The following MYO7B variants were observed in gnomAD, a reference collection of about 807,000 sequenced individuals.
MYO7B encodes unconventional myosin-VIIb.
MYO7B carries 212 observed loss-of-function variants against 259.7 expected under a neutral mutation model. That is an observed-to-expected ratio of 0.82 (90% confidence interval 0.73 to 0.91). The LOEUF is 0.91. Among genes scored for constraint, MYO7B ranks in the 40% least tolerant of loss-of-function variants. The pLI is 0.00. For synonymous variants in MYO7B, 1,197 were observed against 1,166.4 expected, an observed-to-expected ratio of 1.03 and a Z score of -0.54; for missense variants, 2,732 against 2,813.5, an observed-to-expected ratio of 0.97 and a Z score of 0.66.
chr2:127,634,898 T>A, intron 42 of MYO7B: 1 of 636,552 alleles, frequency 1.6e-6, no homozygotes, highest in Non-Finnish European at 2.8e-6. Context: ...GCCCCAGGGC[T>A]GAGGGGCATG....
intron 30 of MYO7B, among the ~76,000 whole-genome samples, chr2:127,625,119 A>G (rs1473489135): frequency 1.3e-5 from 2 of 152,166 alleles, no homozygotes; most frequent in Admixed American, 1.3e-4. Context: ...TGCTGGGTCC[A>G]CCCCAGAACT....
chr2:127,630,912 C>A lies in MYO7B; in HGVS notation c.4937+4C>A. On this transcript the variant is annotated splice_donor_region_variant and intron_variant, in intron 36 of 47. Transcript: ENST00000409816. ...AGTTCTCCTATGAGTTCTTCAGGTGCCCCCCAGCCCCGCTCCGCCTCATTG... is the reference window on the plus strand; with the variant it reads ...AGTTCTCCTATGAGTTCTTCAGGTGACCCCCAGCCCCGCTCCGCCTCATTG... 2 of 1,561,848 alleles carry A rather than the reference C, an allele frequency of 1.3e-6. No homozygotes were observed.
Position 127,588,389 on chromosome 2 carries a change from C to T in MYO7B, c.1691-3C>T, listed in dbSNP as rs748540978. 1.9e-6 allele frequency: 3 copies of T among 1,612,324 alleles called. No individual in the cohort carries two copies. The highest frequency in any genetic ancestry group is 2.2e-5 in the South Asian group (2 of 90,976). ...ATGCTGGGTGGGCCCTGTGTCTCCA[C>T]AGGCTTCCTGGAGAAGAACCGAGAC... On this transcript the variant is annotated splice_region_variant and splice_polypyrimidine_tract_variant and intron_variant, in intron 14 of 47. Coordinates refer to ENST00000409816, the MANE Select transcript of MYO7B (RefSeq NM_001393586.1).
At chr2:127,600,210 G>A (rs1359032554) in intron 19 of MYO7B, among the ~76,000 whole-genome samples, 1 of 152,082 alleles carries the variant, frequency 6.6e-6, no homozygotes, top group African/African-American at 2.4e-5. Context: ...TTTATATTGA[G>A]CGAGTTGTGG....
intron 47 of MYO7B, 22 bp from the exon 48 acceptor site, chr2:127,637,294 G>T (rs755378231): frequency 6.7e-7 from 1 of 1,483,658 alleles, no homozygotes; most frequent in South Asian, 1.2e-5. Flanking sequence ...CACAGCCTCT[G>T]ACCCCCCCGT....
intron 42 of MYO7B, 39 bp downstream of exon 42, chr2:127,634,722 G>C: frequency 6.4e-7 from 1 of 1,566,262 alleles, no homozygotes; most frequent in Non-Finnish European, 8.7e-7. Context: ...GGGCGTGGCT[G>C]GGTGGGTCGA....
chr2:127,576,792 C>A lies in MYO7B; in HGVS notation c.849+84C>A. 1 of 984,868 alleles carries A rather than the reference C, an allele frequency of 1.0e-6. No individual in the cohort carries two copies. Among genetic ancestry groups the A allele is most frequent in the Non-Finnish European group, 1.5e-6 (1 of 665,572 alleles). The allele number at this position is 984,868 out of a possible 1,614,324, so 61.0% of individuals were successfully genotyped here. A position where few individuals can be genotyped will look rare whatever the true frequency, so the allele number is the denominator to read the frequency against. ...GCCGCTCCACCCTCCGCGACAGCTG[C>A]AGAGAAGCCCAACGCTGGCCGGGCC... is the stretch of plus-strand genomic sequence containing the variant. On this transcript the variant is annotated intron_variant, in intron 8 of 47. Transcript: ENST00000409816. The surrounding 1 kb of genome is among the most constrained non-coding windows in gnomAD (Gnocchi z 4.9).
At position 127,608,842 on chromosome 2, in the gene MYO7B, TG is replaced by T. The variant is rs1183380788; in HGVS notation, c.2783del (p.Gly928AlafsTer51). The T allele has an allele frequency of 6.2e-7, 1 of 1,613,234 alleles. No individual in the cohort carries two copies. The highest frequency in any genetic ancestry group is 8.5e-7 in the Non-Finnish European group (1 of 1,179,808). ...TGTTCGGCTTCCTCCCTGCCATGAT[TG>T]GGGGCCAGGAGGGCCAGGCCTCGCC... ...KVFGFLPAMI[G>X]GQEGQASPHF... On this transcript the variant is annotated frameshift_variant, in exon 22 of 48. Transcript: ENST00000409816. LOFTEE classifies it high-confidence loss of function.
rs549244776 is a variant in MYO7B at position 127,636,115 on chromosome 2, C to G, written c.6007-93C>G. 7 of 1,171,320 alleles carry G rather than the reference C, an allele frequency of 6.0e-6. No individual in the cohort carries two copies. The Admixed American group carries it at 8.4e-5, about 14-fold the overall frequency. The allele number at this position is 1,171,320 out of a possible 1,614,324, so 72.6% of individuals were successfully genotyped here. A position where few individuals can be genotyped will look rare whatever the true frequency, so the allele number is the denominator to read the frequency against. Reference sequence around the variant, plus strand: ...TGCATTCCTCCCCTCCCCTCCCCACCGTACTAGCCCTGGGGTAGGCAGGTG... The same window carrying G: ...TGCATTCCTCCCCTCCCCTCCCCACGGTACTAGCCCTGGGGTAGGCAGGTG... On this transcript the variant is annotated intron_variant, in intron 44 of 47. Transcript: ENST00000409816. This position sits in a 1 kb window ranked among gnomAD's most constrained non-coding sequence, Gnocchi z 4.5.
At chr2:127,637,247 G>T in intron 47 of MYO7B, 69 bp from the exon 48 acceptor site, 1 of 1,199,296 alleles carries the variant, frequency 8.3e-7, no homozygotes, top group Non-Finnish European at 1.2e-6. Flanking sequence ...AGAGAAGGTG[G>T]TCCCTGAGTC....
At chr2:127,637,262 A>G in intron 47 of MYO7B, 54 bp from the exon 48 acceptor site, 6 of 1,358,692 alleles carry the variant, frequency 4.4e-6, no homozygotes, top group Non-Finnish European at 6.2e-6. Context: ...TGAGTCCAGG[A>G]CCCCCACCTG....
rs1680386997 is a variant in MYO7B at position 127,611,492 on chromosome 2, G to T, written c.3193-758G>T. On this transcript the variant is annotated intron_variant, in intron 24 of 47. Transcript: ENST00000409816. The surrounding 1 kb of genome is among the most constrained non-coding windows in gnomAD (Gnocchi z 5.4). ...CTGCATGTGTTTATTAAATATCCAT[G>T]ACGTGCCCCAGACACAGAGCAGTGA... Among the ~76,000 whole-genome samples, 1 of 152,158 alleles carries T rather than the reference G, an allele frequency of 6.6e-6. No homozygotes were observed. The highest frequency in any genetic ancestry group is 1.5e-5 in the Non-Finnish European group (1 of 68,020).
At chr2:127,573,639 G>A (rs1678737651) in intron 6 of MYO7B, among the ~76,000 whole-genome samples, 1 of 152,186 alleles carries the variant, frequency 6.6e-6, no homozygotes, top group Admixed American at 6.5e-5. Context: ...CTACTAACTA[G>A]TTCTGTCTAC....
At chr2:127,582,603 C>T (rs1446815608) in intron 12 of MYO7B, among the ~76,000 whole-genome samples, 157 bp downstream of exon 12, 1 of 152,162 alleles carries the variant, frequency 6.6e-6, no homozygotes, top group Non-Finnish European at 1.5e-5. Context: ...GCTGCTGTCC[C>T]CTGCCATCTA....
intron 1 of MYO7B, among the ~76,000 whole-genome samples, chr2:127,537,769 T>C (rs1573595586): frequency 6.6e-6 from 1 of 152,106 alleles, no homozygotes; most frequent in Admixed American, 6.6e-5. Flanking sequence ...CACTGGACTA[T>C]GAGCTCCTCG....
rs762587694 is a variant in MYO7B, at chr2:127,611,450, A to ATCTCAGG, written c.3193-798_3193-792dup. 6.6e-6 allele frequency among the ~76,000 whole-genome samples: 1 copy of ATCTCAGG among 152,188 alleles called. No homozygotes were observed. The highest frequency in any genetic ancestry group is 1.5e-5 in the Non-Finnish European group (1 of 68,026). ...GCAGGACTGGCTTCCCAGAGGTCAG[A>ATCTCAGG]TCTCAGGTTTTCTGTCCTGCATGTG... On this transcript the variant is annotated intron_variant, in intron 24 of 47. Coordinates refer to ENST00000409816, the MANE Select transcript of MYO7B (RefSeq NM_001393586.1). This position sits in a 1 kb window ranked among gnomAD's most constrained non-coding sequence, Gnocchi z 5.4.
intron 6 of MYO7B, among the ~76,000 whole-genome samples, chr2:127,573,694 T>C (rs191468280): frequency 2.0e-5 from 3 of 152,370 alleles, no homozygotes; most frequent in African/African-American, 7.2e-5. Context: ...ACAAGATTTC[T>C]GCGTCTGCAA....
intron 6 of MYO7B, among the ~76,000 whole-genome samples, chr2:127,570,406 A>C (rs1406530683): frequency 6.6e-6 from 1 of 152,194 alleles, no homozygotes; most frequent in Non-Finnish European, 1.5e-5. Context: ...GGAGAGGCTC[A>C]CGCTGTGATC....
intron 27 of MYO7B, among the ~76,000 whole-genome samples, chr2:127,621,012 G>T (rs535327730): frequency 6.6e-6 from 1 of 152,342 alleles, no homozygotes; most frequent in East Asian, 1.9e-4. Flanking sequence ...CTGGCCTTTT[G>T]TGGTGTTACA....
Sources: gnomAD v4.1 joint callset for allele counts (sites outside exome capture counted in the v4.1 genomes callset) on GRCh38, gnomAD v4.1.1 for gene constraint, Gnocchi (gnomAD v3.1) non-coding constraint, MANE v1.5 for transcripts, NCBI Gene and HGNC (gene_info 2026-07-23, HGNC 2026-07-21) for gene names.